The following ZNRF2 variants were observed in gnomAD, a reference collection of about 807,000 sequenced individuals.
ZNRF2 encodes the protein E3 ubiquitin-protein ligase ZNRF2.
ZNRF2 carries 16 observed loss-of-function variants against 20.4 expected under a neutral mutation model. The ratio of observed to expected loss-of-function variants is 0.79; its 90% CI spans 0.53 to 1.19. The LOEUF (loss-of-function observed/expected upper bound fraction) is 1.19, where lower values mean the gene tolerates loss of function less well. Ranked by LOEUF, ZNRF2 falls within the 50% of genes most tolerant of loss-of-function variation. The probability of loss-of-function intolerance (pLI) is 0.00; values close to 1 mark genes in which losing one functional copy is unlikely to be tolerated. For synonymous variants in ZNRF2, 178 were observed against 144.9 expected (o/e 1.23, Z -1.64); for missense variants, 363 against 332.4 (o/e 1.09, Z -0.72).
intron 3 of ZNRF2, among the ~76,000 whole-genome samples, chr7:30,357,937 A>G (rs1800065588): frequency 6.6e-6 from 1 of 152,190 alleles, no homozygotes; most frequent in Non-Finnish European, 1.5e-5. Context: ...ATAACAGTCC[A>G]AAAACATATC....
At chr7:30,341,734 G>A (rs916296921) in intron 2 of ZNRF2, among the ~76,000 whole-genome samples, 5 of 152,094 alleles carry the variant, frequency 3.3e-5, no homozygotes, top group East Asian at 3.9e-4. Flanking sequence ...TGTCTCTTAC[G>A]TCAGCTTGGT....
chr7:30,364,259 C>G (rs889912949), intron 4 of ZNRF2, among the ~76,000 whole-genome samples: 5 of 152,180 alleles, frequency 3.3e-5, no homozygotes, highest in African/African-American at 1.2e-4. Flanking sequence ...TGTCATAAGA[C>G]TACGCATGTG....
At chr7:30,321,895 G>T (rs529397051) in intron 1 of ZNRF2, among the ~76,000 whole-genome samples, 2 of 151,740 alleles carry the variant, frequency 1.3e-5, no homozygotes, top group East Asian at 3.9e-4. Flanking sequence ...CATTTTTAGG[G>T]GTGTCTAATC....
At chr7:30,312,241 A>T (rs1799302359) in intron 1 of ZNRF2, among the ~76,000 whole-genome samples, 1 of 152,054 alleles carries the variant, frequency 6.6e-6, no homozygotes, top group African/African-American at 2.4e-5. Context: ...TTGGTCTCTC[A>T]GAGTGTTGGG....
chr7:30,294,378 A>G (rs1464602742), intron 1 of ZNRF2, among the ~76,000 whole-genome samples: 5 of 152,220 alleles, frequency 3.3e-5, no homozygotes, highest in African/African-American at 1.2e-4. Context: ...GGGAATAATC[A>G]TGTTAACTGC....
intron 3 of ZNRF2, among the ~76,000 whole-genome samples, chr7:30,357,340 A>G (rs965097338): frequency 1.3e-5 from 2 of 151,178 alleles, no homozygotes; most frequent in Admixed American, 6.6e-5. Context: ...GATGTCACTA[A>G]TAAAAAGATA....
At chr7:30,296,486 T>C (rs997449039) in intron 1 of ZNRF2, among the ~76,000 whole-genome samples, 1 of 152,198 alleles carries the variant, frequency 6.6e-6, no homozygotes, top group African/African-American at 2.4e-5. Context: ...GTTACATGAT[T>C]TACTACATCT....
intron 1 of ZNRF2, among the ~76,000 whole-genome samples, chr7:30,286,658 A>G (rs1455835093): frequency 6.6e-6 from 1 of 152,204 alleles, no homozygotes; most frequent in African/African-American, 2.4e-5. Context: ...GGGAAAATGA[A>G]TCCTACTTCT....
rs375510301 is a variant in ZNRF2, at chr7:30,285,247, C to T, written c.-111C>T. On this transcript the variant is annotated 5_prime_UTR_variant, in exon 1 of 5. Transcript: ENST00000323037. ...GCGGCGGCCCTGGACGTGCGGGGGC[C>T]TCTCTGGGCCGGCCGCGGCGCCTGG... is the stretch of plus-strand genomic sequence containing the variant. 10,281 of 798,274 alleles carry T rather than the reference C, an allele frequency of 0.013. 89 individuals carry two copies. Among genetic ancestry groups the T allele is most frequent in the South Asian group, 0.043 (1,006 of 23,394 alleles). 49.4% of individuals were successfully genotyped at this position (798,274 alleles called of 1,614,324 possible). A position where few individuals can be genotyped will look rare whatever the true frequency, so the allele number is the denominator to read the frequency against.
chr7:30,337,225 C>G (rs1384976202), intron 2 of ZNRF2, among the ~76,000 whole-genome samples: 1 of 152,108 alleles, frequency 6.6e-6, no homozygotes, highest in East Asian at 1.9e-4. Flanking sequence ...AAGTATTCAT[C>G]TCTATCCCAT....
At chr7:30,329,559 T>C (rs1429470954) in intron 2 of ZNRF2, among the ~76,000 whole-genome samples, 1 of 152,208 alleles carries the variant, frequency 6.6e-6, no homozygotes, top group African/African-American at 2.4e-5. Context: ...TATGCTATAG[T>C]TGTCTTTCTG....
At chr7:30,303,017 A>G (rs1475303298) in intron 1 of ZNRF2, among the ~76,000 whole-genome samples, 1 of 152,194 alleles carries the variant, frequency 6.6e-6, no homozygotes, top group Non-Finnish European at 1.5e-5. Flanking sequence ...GTGGTGGCTC[A>G]TGCCTGTAAT....
intron 1 of ZNRF2, among the ~76,000 whole-genome samples, chr7:30,309,934 G>C (rs1028798991): frequency 6.6e-6 from 1 of 152,176 alleles, no homozygotes; most frequent in Non-Finnish European, 1.5e-5. Context: ...TAAAAAGTTG[G>C]TATTTGTTTA....
intron 1 of ZNRF2, among the ~76,000 whole-genome samples, chr7:30,296,812 A>T (rs1183823139): frequency 6.6e-6 from 1 of 152,228 alleles, no homozygotes; most frequent in Non-Finnish European, 1.5e-5. Flanking sequence ...GTCTTTATAA[A>T]TGTTGAACTA....
At chr7:30,318,583 C>T (rs547504231) in intron 1 of ZNRF2, among the ~76,000 whole-genome samples, 1 of 152,146 alleles carries the variant, frequency 6.6e-6, no homozygotes, top group Non-Finnish European at 1.5e-5. Flanking sequence ...ATTCACCAGT[C>T]TCAGGTTTAG....
chr7:30,295,375 T>C (rs1799002175), intron 1 of ZNRF2, among the ~76,000 whole-genome samples: 1 of 152,186 alleles, frequency 6.6e-6, no homozygotes, highest in African/African-American at 2.4e-5. Context: ...TGGGCTGACC[T>C]TAAGCAAGTT....
intron 2 of ZNRF2, among the ~76,000 whole-genome samples, chr7:30,349,150 C>T (rs1388908873): frequency 6.6e-6 from 1 of 152,116 alleles, no homozygotes; most frequent in African/African-American, 2.4e-5. Context: ...TACACATTTT[C>T]ACATTCATTA....
chr7:30,326,967 T>C (rs1199140473), intron 2 of ZNRF2, among the ~76,000 whole-genome samples: 7 of 152,178 alleles, frequency 4.6e-5, no homozygotes, highest in Non-Finnish European at 1.0e-4. Context: ...TTGCACATTT[T>C]TTCATGGGGT....
chr7:30,330,750 AT>A (rs368762584), intron 2 of ZNRF2, among the ~76,000 whole-genome samples: 1,795 of 150,266 alleles, frequency 0.012, 17 homozygotes, highest in South Asian at 0.036. Flanking sequence ...TGAAATTGGC[AT>A]TTTTTTTTAA....
Sources: gnomAD v4.1 joint callset for allele counts (sites outside exome capture counted in the v4.1 genomes callset) on GRCh38, gnomAD v4.1.1 for gene constraint, MANE v1.5 for transcripts, NCBI Gene and HGNC (gene_info 2026-07-23, HGNC 2026-07-21) for gene names.